The following INPP4B variants were observed in gnomAD, a reference collection of about 807,000 sequenced individuals.
INPP4B encodes inositol polyphosphate-4-phosphatase type II B.
A neutral mutation model predicts 122.5 loss-of-function variants in INPP4B; 55 were observed. The observed-to-expected ratio is 0.45, with a 90% CI of 0.36 to 0.56. INPP4B has a LOEUF of 0.56. Ranked by LOEUF, INPP4B falls within the 20% of genes least tolerant of loss-of-function variation. The pLI is 0.00. For synonymous variants in INPP4B, 403 were observed against 388.7 expected, an observed-to-expected ratio of 1.04 and a Z score of -0.43; for missense variants, 1,000 against 1,097.7, an observed-to-expected ratio of 0.91 and a Z score of 1.26.
intron 3 of INPP4B, among the ~76,000 whole-genome samples, chr4:142,435,266 A>AGTTTT (rs1053029335): frequency 1.3e-5 from 2 of 152,146 alleles, no homozygotes; most frequent in African/African-American, 4.8e-5. Context: ...TTATTCATTT[A>AGTTTT]GTTTTGTTTT....
At chr4:142,106,777 T>G (rs1366327729) in intron 23 of INPP4B, among the ~76,000 whole-genome samples, 1 of 152,160 alleles carries the variant, frequency 6.6e-6, no homozygotes, top group Non-Finnish European at 1.5e-5. Context: ...CAGTGTGGCC[T>G]GCGAATTTGC....
chr4:142,733,059 T>TAGAACAGTAGAGA (rs1474803563), intron 1 of INPP4B, among the ~76,000 whole-genome samples: 3 of 152,066 alleles, frequency 2.0e-5, no homozygotes, highest in Non-Finnish European at 4.4e-5. Flanking sequence ...TTTGACAATG[T>TAGAACAGTAGAGA]AGAACAGTAG....
intron 1 of INPP4B, among the ~76,000 whole-genome samples, chr4:142,755,343 A>G (rs1317122109): frequency 1.3e-5 from 2 of 152,020 alleles, no homozygotes; most frequent in Non-Finnish European, 2.9e-5. Flanking sequence ...CATTGACTTC[A>G]TATGAACTTT....
Position 142,345,092 on chromosome 4 carries a change from A to C in INPP4B, c.373-30330T>G, listed in dbSNP as rs200872380. Reference sequence around the variant, plus strand: ...TGCTGGGTTCTGCTTATTTCTGTGCAGTCTTAAATTCACAACTTCATAACC... The same window carrying C: ...TGCTGGGTTCTGCTTATTTCTGTGCCGTCTTAAATTCACAACTTCATAACC... On this transcript the variant is annotated intron_variant, in intron 7 of 25. Coordinates refer to ENST00000262992, the MANE Select transcript of INPP4B (RefSeq NM_001101669.3). Among the ~76,000 whole-genome samples the C allele has an allele frequency of 2.4e-4, 36 of 152,128 alleles. No individual in the cohort carries two copies. In the East Asian group the frequency reaches 6.2e-3, roughly 26 times the overall value.
intron 23 of INPP4B, among the ~76,000 whole-genome samples, chr4:142,100,438 C>T (rs1000868321): frequency 3.9e-5 from 6 of 152,136 alleles, no homozygotes; most frequent in Admixed American, 2.0e-4. Flanking sequence ...GGTGACACTA[C>T]CTTTGTCCTT....
chr4:142,499,539 A>T (rs1431820252), intron 2 of INPP4B, among the ~76,000 whole-genome samples: 11 of 152,204 alleles, frequency 7.2e-5, no homozygotes, highest in Admixed American at 7.2e-4. Flanking sequence ...TACTCAAATT[A>T]TGAGATAATT....
At chr4:142,703,551 T>C (rs1762078343) in intron 2 of INPP4B, among the ~76,000 whole-genome samples, 1 of 152,178 alleles carries the variant, frequency 6.6e-6, no homozygotes, top group Non-Finnish European at 1.5e-5. Context: ...GGGAGTCCCA[T>C]TAAACAAATT....
chr4:142,608,277 A>G (rs917584491), intron 2 of INPP4B, among the ~76,000 whole-genome samples: 4 of 152,238 alleles, frequency 2.6e-5, no homozygotes, highest in Admixed American at 2.0e-4. Flanking sequence ...TTTGCATAGG[A>G]CAAAAGTCAA....
intron 2 of INPP4B, among the ~76,000 whole-genome samples, chr4:142,688,341 C>G (rs1031733970): frequency 6.6e-6 from 1 of 152,048 alleles, no homozygotes; most frequent in Non-Finnish European, 1.5e-5. Context: ...GTGTACCATT[C>G]CCCCAAATAC....
intron 2 of INPP4B, among the ~76,000 whole-genome samples, chr4:142,565,809 A>G (rs11942731): frequency 0.67 from 102,329 of 152,082 alleles, 36,142 homozygotes; most frequent in East Asian, 0.84. Flanking sequence ...GAATAAATTG[A>G]CATCAAGAGT....
At chr4:142,649,785 A>G (rs1363526696) in intron 2 of INPP4B, among the ~76,000 whole-genome samples, 1 of 152,216 alleles carries the variant, frequency 6.6e-6, no homozygotes, top group Non-Finnish European at 1.5e-5. Flanking sequence ...AAGTTGAAAA[A>G]CGCTCTTCAG....
In INPP4B at chr4:142,026,393, C is replaced by G. The variant is rs11100741; in HGVS notation, c.*2389G>C. On this transcript the variant is annotated 3_prime_UTR_variant, in exon 26 of 26. Transcript: ENST00000262992. ...GCTTTCTATAAGGAAATGCAGATGA[C>G]TATGGTAATGAATGAAAATTCATAA... 99,599 of 152,174 alleles carry G rather than the reference C, an allele frequency of 0.65. 37,413 individuals carry two copies. Among genetic ancestry groups the G allele is most frequent in the Non-Finnish European group, 0.84 (56,866 of 68,008 alleles). 9.4% of individuals were successfully genotyped at this position (152,174 alleles called of 1,614,324 possible). A position where few individuals can be genotyped will look rare whatever the true frequency, so the allele number is the denominator to read the frequency against.
chr4:142,255,068 G>T (rs1273988930), intron 11 of INPP4B, among the ~76,000 whole-genome samples: 3 of 151,746 alleles, frequency 2.0e-5, no homozygotes, highest in African/African-American at 7.3e-5. Context: ...TTAAAGAAAA[G>T]AATTTTCAAC....
At chr4:142,140,006 G>A (rs1806913812) in intron 18 of INPP4B, among the ~76,000 whole-genome samples, 1 of 152,208 alleles carries the variant, frequency 6.6e-6, no homozygotes, top group South Asian at 2.1e-4. Context: ...AAGGCAGACA[G>A]AGATAAAGTA....
rs573214401 is a variant in INPP4B at position 142,121,722 on chromosome 4, T to C, written c.2135+406A>G. On this transcript the variant is annotated intron_variant, in intron 21 of 25. Transcript: ENST00000262992. ...CCCTGACACAGAAATATATCTTTTC[T>C]AAAATGTTGCTGCTTTTAACTGAAT... Among the ~76,000 whole-genome samples, 25 of 152,294 alleles carry C rather than the reference T, an allele frequency of 1.6e-4. 1 individual carries two copies. The South Asian group carries it at 5.2e-3, about 32-fold the overall frequency.
intron 1 of INPP4B, among the ~76,000 whole-genome samples, chr4:142,838,033 G>GT (rs546156996): frequency 0.036 from 5,137 of 143,234 alleles, 243 homozygotes; most frequent in African/African-American, 0.11. Flanking sequence ...GGAAAGTGGT[G>GT]TTTTTTTTTT....
chr4:142,030,340 A>G, intron 25 of INPP4B: 1 of 1,518,224 alleles, frequency 6.6e-7, no homozygotes, highest in Non-Finnish European at 8.8e-7. Context: ...AAAAGAAAAT[A>G]GTATAGAGTT....
At chr4:142,242,533 A>G (rs1859949864) in intron 11 of INPP4B, among the ~76,000 whole-genome samples, 1 of 152,194 alleles carries the variant, frequency 6.6e-6, no homozygotes, top group Non-Finnish European at 1.5e-5. Context: ...AGTGAAGGAT[A>G]CAACTTGTAA....
intron 1 of INPP4B, among the ~76,000 whole-genome samples, chr4:142,771,835 C>T (rs1323552041): frequency 2.0e-5 from 3 of 152,050 alleles, no homozygotes; most frequent in African/African-American, 4.8e-5. Flanking sequence ...TTTCACATCA[C>T]ACATCATACC....
Sources: allele counts gnomAD v4.1 joint callset (sites outside exome capture counted in the v4.1 genomes callset), GRCh38; gene constraint gnomAD v4.1.1; transcripts MANE v1.5; gene names NCBI Gene and HGNC (gene_info 2026-07-23, HGNC 2026-07-21).